FXR2: variants seen among roughly 807,000 people sequenced by gnomAD.
FXR2 encodes the protein FMR1 autosomal homolog 2, also known as RNA-binding protein FXR2.
In FXR2, 9 loss-of-function variants were observed where a neutral mutation model predicts 87.3. The ratio of observed to expected loss-of-function variants is 0.10; its 90% CI spans 0.06 to 0.18. The LOEUF is 0.18. Among genes scored for constraint, FXR2 ranks in the 10% least tolerant of loss-of-function variants. The pLI is 1.00. For missense variants in FXR2, 661 were observed against 893.6 expected (o/e 0.74, Z 3.32); for synonymous variants, 331 against 328.3 (o/e 1.01, Z -0.09).
chr17:7,608,701 G>A (rs539426409), intron 1 of FXR2, among the ~76,000 whole-genome samples: 20 of 151,868 alleles, frequency 1.3e-4, no homozygotes, highest in Admixed American at 5.9e-4. Context: ...CATTTCTATC[G>A]AAAATCAGGA....
At chr17:7,603,960 A>C in intron 4 of FXR2, 49 bp downstream of exon 4, 2 of 1,610,030 alleles carry the variant, frequency 1.2e-6, no homozygotes, top group Non-Finnish European at 1.7e-6. Context: ...CTTTCTATGA[A>C]TAACATATTT....
At chr17:7,603,107 G>T (rs946182620) in intron 5 of FXR2, 105 bp from the exon 6 acceptor site, 2 of 639,796 alleles carry the variant, frequency 3.1e-6, no homozygotes, top group Non-Finnish European at 5.6e-6. Context: ...AGCACTTTGG[G>T]AGGCTAGGGC....
At chr17:7,600,607 C>G (rs1206537637) in intron 7 of FXR2, among the ~76,000 whole-genome samples, 1 of 151,614 alleles carries the variant, frequency 6.6e-6, no homozygotes, top group Non-Finnish European at 1.5e-5. Flanking sequence ...AGACCAAGGC[C>G]GGGCGCAGCG....
intron 1 of FXR2, among the ~76,000 whole-genome samples, chr17:7,609,837 G>C (rs1028179239): frequency 4.7e-5 from 7 of 150,336 alleles, no homozygotes; most frequent in Non-Finnish European, 7.4e-5. Flanking sequence ...AGACCAGTCT[G>C]GCCAATATGG....
intron 1 of FXR2, among the ~76,000 whole-genome samples, chr17:7,606,721 C>G (rs983840647): frequency 6.6e-6 from 1 of 151,770 alleles, no homozygotes; most frequent in Non-Finnish European, 1.5e-5. Flanking sequence ...TTAAAAACAT[C>G]GGTTTTTTAA....
intron 2 of FXR2, 133 bp downstream of exon 2, chr17:7,605,964 G>T (rs2071799987): frequency 2.9e-6 from 2 of 683,382 alleles, no homozygotes; most frequent in Non-Finnish European, 5.1e-6. Context: ...CCTCTCCTGG[G>T]ATCCATATGA....
At chr17:7,598,429 T>C (rs1011438543) in intron 7 of FXR2, among the ~76,000 whole-genome samples, 9 of 152,226 alleles carry the variant, frequency 5.9e-5, no homozygotes, top group Non-Finnish European at 1.2e-4. Context: ...CACTCCAGCC[T>C]GGGTGACAGA....
intron 1 of FXR2, among the ~76,000 whole-genome samples, chr17:7,609,878 A>G (rs2071834461): frequency 6.7e-6 from 1 of 149,156 alleles, no homozygotes; most frequent in African/African-American, 2.5e-5. Context: ...ATATATATGT[A>G]TACATATACA....
At position 7,594,135 on chromosome 17, in the gene FXR2, C is replaced by T; in HGVS notation, c.1020+103G>A. The T allele has an allele frequency of 1.1e-6, 1 of 900,124 alleles. No individual in the cohort carries two copies. The highest frequency in any genetic ancestry group is 1.4e-5 in the South Asian group (1 of 72,318). 55.8% of individuals were successfully genotyped at this position (900,124 alleles called of 1,614,324 possible). ...CTCTAAATCTACTAGTGTTAAACAACTTTCCGTACTCCACCCTCTCAAAGA... is the reference window on the plus strand; with the variant it reads ...CTCTAAATCTACTAGTGTTAAACAATTTTCCGTACTCCACCCTCTCAAAGA... On this transcript the variant is annotated intron_variant, in intron 10 of 16. Transcript: ENST00000250113. The surrounding 1 kb of genome is among the most constrained non-coding windows in gnomAD (Gnocchi z 5.1).
intron 1 of FXR2, among the ~76,000 whole-genome samples, chr17:7,608,429 T>TAAAA (rs1201395730): frequency 6.8e-6 from 1 of 146,116 alleles, no homozygotes; most frequent in African/African-American, 2.5e-5. Context: ...CCATTGCTAC[T>TAAAA]AAAAAAAAAA....
intron 7 of FXR2, among the ~76,000 whole-genome samples, chr17:7,597,237 C>T (rs1215215691): frequency 2.6e-5 from 4 of 152,128 alleles, no homozygotes; most frequent in Non-Finnish European, 5.9e-5. Flanking sequence ...GGAGTGAATC[C>T]CATGTTGTAA....
intron 7 of FXR2, chr17:7,596,258 A>G: frequency 3.3e-6 from 1 of 303,238 alleles, no homozygotes; most frequent in Non-Finnish European, 6.2e-6. Context: ...CTCGACTTCA[A>G]GTGATTCTCA....
chr17:7,600,841 A>G (rs1642772), intron 7 of FXR2, among the ~76,000 whole-genome samples: 72,796 of 150,680 alleles, frequency 0.48, 18,636 homozygotes, highest in Middle Eastern at 0.67. Flanking sequence ...CTGAGACTAT[A>G]CCATTACACT....
At chr17:7,600,449 T>C (rs1247122287) in intron 7 of FXR2, among the ~76,000 whole-genome samples, 1 of 151,622 alleles carries the variant, frequency 6.6e-6, no homozygotes, top group South Asian at 2.1e-4. Context: ...CCTCCCAAAG[T>C]GCTAAAGTGC....
At chr17:7,610,275 C>G (rs980150201) in intron 1 of FXR2, among the ~76,000 whole-genome samples, 3 of 151,964 alleles carry the variant, frequency 2.0e-5, no homozygotes, top group Non-Finnish European at 4.4e-5. Flanking sequence ...TTTATCAAGG[C>G]AGGAGTTACA....
intron 1 of FXR2, among the ~76,000 whole-genome samples, chr17:7,609,946 A>G (rs927447606): frequency 8.0e-6 from 1 of 125,228 alleles, no homozygotes; most frequent in Non-Finnish European, 1.9e-5. Context: ...ATATACATGT[A>G]TATGTATACA....
chr17:7,593,186 A>ACACAGGG lies in FXR2; in HGVS notation c.1331-6_1331-5insCCCTGTG. 6.6e-7 allele frequency: 1 copy of ACACAGGG among 1,514,262 alleles called. No individual in the cohort carries two copies. The highest frequency in any genetic ancestry group is 8.8e-7 in the Non-Finnish European group (1 of 1,132,088). 93.8% of individuals were successfully genotyped at this position (1,514,262 alleles called of 1,614,324 possible). A position where few individuals can be genotyped will look rare whatever the true frequency, so the allele number is the denominator to read the frequency against. ...TAGACACATCTGAGCTGGGGCCTGA[A>ACACAGGG]GAACACAATGGGATTTATTCACGGC... On this transcript the variant is annotated splice_polypyrimidine_tract_variant and splice_region_variant and intron_variant, in intron 12 of 16. Coordinates refer to ENST00000250113, the MANE Select transcript of FXR2 (RefSeq NM_004860.4). The surrounding 1 kb of genome is among the most constrained non-coding windows in gnomAD (Gnocchi z 6.1).
At position 7,593,789 on chromosome 17, in the gene FXR2, C is replaced by T; in HGVS notation, c.1107+129G>A. On this transcript the variant is annotated intron_variant, in intron 11 of 16. Coordinates refer to ENST00000250113, the MANE Select transcript of FXR2 (RefSeq NM_004860.4). The surrounding 1 kb of genome is among the most constrained non-coding windows in gnomAD (Gnocchi z 6.1). ...AATTCTGGGACCCAACCCTATAGCC[C>T]CAAATTTCCACAGATGTTTTCTGTT... The T allele has an allele frequency of 1.2e-6, 1 of 810,616 alleles. No homozygotes were observed. The highest frequency in any genetic ancestry group is 2.0e-6 in the Non-Finnish European group (1 of 491,974). 50.2% of individuals were successfully genotyped at this position (810,616 alleles called of 1,614,324 possible).
Position 7,592,406 on chromosome 17 carries a change from TAA to T in FXR2, c.1826-54_1826-53del, listed in dbSNP as rs745792205. 1.0e-5 allele frequency: 16 copies of T among 1,542,242 alleles called. No individual in the cohort carries two copies. In the South Asian group the frequency reaches 1.8e-4, roughly 17 times the overall value. On this transcript the variant is annotated intron_variant, in intron 15 of 16. Transcript: ENST00000250113. This position sits in a 1 kb window ranked among gnomAD's most constrained non-coding sequence, Gnocchi z 4.8. ...TCAGATGGAATTCTGGTAGCCAGCC[TAA>T]GACACCCACTGAACCCGAACCCCTG... is the stretch of plus-strand genomic sequence containing the variant.
Sources: allele counts gnomAD v4.1 joint callset (sites outside exome capture counted in the v4.1 genomes callset), GRCh38; gene constraint gnomAD v4.1.1; non-coding constraint Gnocchi (gnomAD v3.1); transcripts MANE v1.5; gene names NCBI Gene and HGNC (gene_info 2026-07-23, HGNC 2026-07-21).